Variants in RGS6 observed in about 807,000 individuals in gnomAD.
RGS6 encodes regulator of G protein signaling 6.
RGS6 carries 30 observed loss-of-function variants against 78.5 expected under a neutral mutation model. The ratio of observed to expected loss-of-function variants is 0.38; its 90% CI spans 0.29 to 0.52. RGS6 has a LOEUF of 0.52. Ranked by LOEUF, RGS6 falls within the 20% of genes least tolerant of loss-of-function variation. RGS6 has a pLI of 0.85. For synonymous variants in RGS6, 206 were observed against 206.0 expected, an observed-to-expected ratio of 1.00 and a Z score of 0.00; for missense variants, 495 against 609.7, an observed-to-expected ratio of 0.81 and a Z score of 1.98.
At chr14:72,039,895 C>A (rs1169847026) in intron 2 of RGS6, among the ~76,000 whole-genome samples, 1 of 93,858 alleles carries the variant, frequency 1.1e-5, no homozygotes, top group Non-Finnish European at 2.1e-5. Context: ...ATTTTCTTTG[C>A]GGTTGCTATG....
intron 13 of RGS6, among the ~76,000 whole-genome samples, chr14:72,503,616 A>G (rs146113766): frequency 2.3e-4 from 35 of 152,288 alleles, no homozygotes; most frequent in African/African-American, 8.4e-4. Context: ...GAAATGGGTA[A>G]TGGGTTCCAA....
intron 2 of RGS6, among the ~76,000 whole-genome samples, chr14:71,967,964 G>A (rs539111403): frequency 4.9e-4 from 74 of 152,184 alleles, no homozygotes; most frequent in Non-Finnish European, 7.8e-4. Context: ...CTTTCCCAAG[G>A]CATGACTTAT....
chr14:72,075,172 A>G lies in RGS6; in HGVS notation c.84+110297A>G, dbSNP rs567570259. 3.9e-5 allele frequency among the ~76,000 whole-genome samples: 6 copies of G among 152,288 alleles called. No individual in the cohort carries two copies. The South Asian group carries it at 1.2e-3, about 32-fold the overall frequency. On this transcript the variant is annotated intron_variant, in intron 2 of 17. Transcript: ENST00000553525. Reference sequence around the variant, plus strand: ...TTATTTTTCTCAGTCTGATTTCTCCAATTAGGCATATTATCATTAGAAAAC... The same window carrying G: ...TTATTTTTCTCAGTCTGATTTCTCCGATTAGGCATATTATCATTAGAAAAC...
chr14:71,961,786 C>G (rs1054538880), intron 1 of RGS6, among the ~76,000 whole-genome samples: 5 of 151,954 alleles, frequency 3.3e-5, no homozygotes, highest in Non-Finnish European at 7.4e-5. Context: ...ATATTGAAGC[C>G]CCTGGGTTGT....
chr14:72,049,363 C>A (rs36739), intron 2 of RGS6, among the ~76,000 whole-genome samples: 20 of 152,176 alleles, frequency 1.3e-4, no homozygotes, highest in Middle Eastern at 3.4e-3. Flanking sequence ...TTTACTTGTC[C>A]TTAACATGGG....
chr14:72,164,429 C>T (rs189935161), intron 2 of RGS6, among the ~76,000 whole-genome samples: 6 of 152,166 alleles, frequency 3.9e-5, no homozygotes, highest in East Asian at 1.9e-4. Context: ...TGAGGTCGGG[C>T]GGAGAAAGGA....
intron 2 of RGS6, among the ~76,000 whole-genome samples, chr14:72,332,127 G>T (rs1312943581): frequency 6.6e-6 from 1 of 152,208 alleles, no homozygotes; most frequent in East Asian, 1.9e-4. Context: ...TGTGGCCCCA[G>T]AGCTTCCTCT....
intron 13 of RGS6, among the ~76,000 whole-genome samples, chr14:72,506,767 A>G (rs1301945788): frequency 1.3e-5 from 2 of 152,142 alleles, no homozygotes; most frequent in Non-Finnish European, 2.9e-5. Flanking sequence ...TTATTTGGAA[A>G]TAGAGTTGTT....
intron 2 of RGS6, among the ~76,000 whole-genome samples, chr14:72,285,293 C>A (rs1783004880): frequency 6.6e-6 from 1 of 152,058 alleles, no homozygotes. Context: ...AATTGTAGCT[C>A]CCGTAGTTCC....
At chr14:72,219,740 G>A (rs912761078) in intron 2 of RGS6, among the ~76,000 whole-genome samples, 2 of 151,940 alleles carry the variant, frequency 1.3e-5, no homozygotes, top group Admixed American at 1.3e-4. Flanking sequence ...GTGATTTAAG[G>A]TCTCCTGTCT....
At chr14:72,137,680 A>T (rs1029038423) in intron 2 of RGS6, among the ~76,000 whole-genome samples, 1 of 152,226 alleles carries the variant, frequency 6.6e-6, no homozygotes, top group Non-Finnish European at 1.5e-5. Flanking sequence ...GAAGAGATAG[A>T]TGCATAGAAC....
At chr14:72,533,909 T>C in intron 15 of RGS6, among the ~76,000 whole-genome samples, 1 of 152,240 alleles carries the variant, frequency 6.6e-6, no homozygotes, top group East Asian at 1.9e-4. Flanking sequence ...GCAAACATTG[T>C]TGAGATGACA....
chr14:71,983,523 G>A (rs1040602384), intron 2 of RGS6, among the ~76,000 whole-genome samples: 3 of 152,298 alleles, frequency 2.0e-5, no homozygotes, highest in African/African-American at 4.8e-5. Context: ...GCAGGGCTAC[G>A]CTCCATTTGA....
At chr14:72,253,838 C>T (rs978487896) in intron 2 of RGS6, among the ~76,000 whole-genome samples, 4 of 152,196 alleles carry the variant, frequency 2.6e-5, no homozygotes, top group African/African-American at 4.8e-5. Flanking sequence ...TTTAAAACCA[C>T]TAAGATGTAT....
intron 2 of RGS6, among the ~76,000 whole-genome samples, chr14:72,164,628 G>A (rs770223390): frequency 6.6e-6 from 1 of 152,158 alleles, no homozygotes; most frequent in Admixed American, 6.5e-5. Context: ...AGACAACTAT[G>A]AAGTGGCAGG....
chr14:72,066,561 T>A (rs1438513469), intron 2 of RGS6, among the ~76,000 whole-genome samples: 4 of 149,578 alleles, frequency 2.7e-5, no homozygotes, highest in Non-Finnish European at 5.9e-5. Context: ...TTTCAAAGAG[T>A]GGCATCTCCA....
the RGS6 span, among the ~76,000 whole-genome samples, chr14:71,922,708 C>T: frequency 6.6e-6 from 1 of 152,118 alleles, no homozygotes; most frequent in African/African-American, 2.4e-5. Flanking sequence ...CCTTAGTCTC[C>T]TTCAGTCTGT....
chr14:72,053,553 C>G (rs78752617), intron 2 of RGS6, among the ~76,000 whole-genome samples: 20,932 of 152,206 alleles, frequency 0.14, 1,682 homozygotes, highest in Non-Finnish European at 0.18. Context: ...CCTTGGAAAT[C>G]TGCATTTTAT....
chr14:72,540,771 C>T (rs1281159607), intron 17 of RGS6: 1 of 985,268 alleles, frequency 1.0e-6, no homozygotes, highest in Non-Finnish European at 1.2e-6. Flanking sequence ...CAAGGTCCTA[C>T]CGGCCTCCTC....
Sources: allele counts gnomAD v4.1 joint callset (sites outside exome capture counted in the v4.1 genomes callset), GRCh38; gene constraint gnomAD v4.1.1; transcripts MANE v1.5; gene names NCBI Gene and HGNC (gene_info 2026-07-23, HGNC 2026-07-21).